AK5: variants seen among roughly 807,000 people sequenced by gnomAD.
AK5 encodes the protein adenylate kinase 5, also known as adenylate kinase isoenzyme 5.
AK5 carries 27 observed loss-of-function variants against 69.5 expected under a neutral mutation model. The ratio of observed to expected loss-of-function variants is 0.39; its 90% CI spans 0.29 to 0.54. AK5 has a LOEUF of 0.54. AK5 is among the 20% of genes least tolerant of loss of function. The pLI is 0.71. For synonymous variants in AK5, 260 were observed against 244.4 expected (o/e 1.06, Z -0.60); for missense variants, 531 against 700.4 (o/e 0.76, Z 2.73).
In AK5 at chr1:77,482,575, C is replaced by T. The variant is rs180922089; in HGVS notation, c.1060-742C>T. On this transcript the variant is annotated intron_variant, in intron 8 of 13. Coordinates refer to ENST00000354567, the MANE Select transcript of AK5 (RefSeq NM_174858.3). ...ATCACTTGAGGTCAGGAGTTTGAGA[C>T]CAGCCTGGCCAACATGGTGAAACTC... Among the ~76,000 whole-genome samples the T allele has an allele frequency of 9.3e-4, 141 of 152,084 alleles. 1 individual carries two copies. The highest frequency in any genetic ancestry group is 3.4e-3 in the Middle Eastern group (1 of 294).
chr1:77,306,264 AT>A (rs934483495), intron 5 of AK5, among the ~76,000 whole-genome samples: 1 of 151,852 alleles, frequency 6.6e-6, no homozygotes, highest in African/African-American at 2.4e-5. Flanking sequence ...TTCTGTCTCC[AT>A]TTTTTTGAGG....
At chr1:77,542,483 A>G (rs896237190) in intron 13 of AK5, among the ~76,000 whole-genome samples, 1 of 152,212 alleles carries the variant, frequency 6.6e-6, no homozygotes, top group African/African-American at 2.4e-5. Flanking sequence ...TGATATAAAC[A>G]TGGTTACCTG....
At chr1:77,419,670 T>C (rs1206185849) in intron 8 of AK5, among the ~76,000 whole-genome samples, 1 of 67,114 alleles carries the variant, frequency 1.5e-5, no homozygotes, top group Non-Finnish European at 3.7e-5. Flanking sequence ...AGCTAAATAG[T>C]TGTCAAATAT....
intron 6 of AK5, chr1:77,346,349 A>G (rs1368696493): frequency 6.6e-6 from 1 of 152,238 alleles, no homozygotes; most frequent in Non-Finnish European, 1.5e-5. Context: ...CTGACTTCAC[A>G]TTTCATAGGA....
At chr1:77,477,054 G>A (rs962910296) in intron 8 of AK5, among the ~76,000 whole-genome samples, 1 of 151,660 alleles carries the variant, frequency 6.6e-6, no homozygotes, top group South Asian at 2.1e-4. Flanking sequence ...CTGAGACAGG[G>A]TCTCACTCTG....
intron 13 of AK5, among the ~76,000 whole-genome samples, chr1:77,539,288 C>G (rs1448623689): frequency 6.6e-6 from 1 of 152,220 alleles, no homozygotes; most frequent in African/African-American, 2.4e-5. Flanking sequence ...GGTTTGCAGT[C>G]CCCTGGCTCA....
chr1:77,384,333 T>A (rs1647857253), intron 6 of AK5, among the ~76,000 whole-genome samples: 1 of 152,246 alleles, frequency 6.6e-6, no homozygotes, highest in Non-Finnish European at 1.5e-5. Flanking sequence ...AAATCCTTTT[T>A]AAGTGCAATA....
rs543214297 is a variant in AK5, at chr1:77,535,055, A to G, written c.1429-792A>G. Among the ~76,000 whole-genome samples, 49 of 152,254 alleles carry G rather than the reference A, an allele frequency of 3.2e-4. No individual in the cohort carries two copies. In the East Asian group the frequency reaches 8.1e-3, roughly 25 times the overall value. ...ATCTCCGTCCACATGGCCTCTCCAC[A>G]TGGCTAACTTGGGCTTCCTCTCAGC... On this transcript the variant is annotated intron_variant, in intron 12 of 13. Coordinates refer to ENST00000354567, the MANE Select transcript of AK5 (RefSeq NM_174858.3).
chr1:77,377,767 C>G (rs1029749234), intron 6 of AK5, among the ~76,000 whole-genome samples: 5 of 152,150 alleles, frequency 3.3e-5, no homozygotes. Flanking sequence ...TTCCATACTT[C>G]TGTGCTTTAA....
At chr1:77,447,602 C>T (rs369109204) in intron 8 of AK5, among the ~76,000 whole-genome samples, 51 of 152,276 alleles carry the variant, frequency 3.3e-4, no homozygotes, top group African/African-American at 1.1e-3. Context: ...TAATTAATTT[C>T]GTGGCTTCTC....
intron 6 of AK5, among the ~76,000 whole-genome samples, chr1:77,376,522 T>C (rs2602937): frequency 0.075 from 11,416 of 151,438 alleles, 510 homozygotes; most frequent in East Asian, 0.17. Flanking sequence ...ACTATTTCTA[T>C]GGGTCTTCTC....
At chr1:77,282,808 C>G (rs1033923355) in intron 1 of AK5, 14 of 992,484 alleles carry the variant, frequency 1.4e-5, no homozygotes, top group Non-Finnish European at 1.7e-5. Context: ...GGGTCGGAAC[C>G]CCTGGGGGAA....
At chr1:77,507,674 T>A (rs1299599377) in intron 10 of AK5, among the ~76,000 whole-genome samples, 1 of 152,224 alleles carries the variant, frequency 6.6e-6, no homozygotes, top group Non-Finnish European at 1.5e-5. Flanking sequence ...TTAACCATCA[T>A]AATAATTATT....
chr1:77,368,274 T>TATATAA (rs1557535738), intron 6 of AK5, among the ~76,000 whole-genome samples: 83 of 58,290 alleles, frequency 1.4e-3, no homozygotes, highest in African/African-American at 3.6e-3. Context: ...TATATATATG[T>TATATAA]TATATATGTT....
intron 8 of AK5, among the ~76,000 whole-genome samples, chr1:77,465,580 C>T (rs937269209): frequency 6.6e-6 from 1 of 152,106 alleles, no homozygotes; most frequent in African/African-American, 2.4e-5. Context: ...GTTGGGAACA[C>T]ACACACCTTA....
intron 11 of AK5, among the ~76,000 whole-genome samples, chr1:77,519,929 C>T (rs1216141284): frequency 4.6e-5 from 7 of 152,110 alleles, no homozygotes; most frequent in Non-Finnish European, 1.0e-4. Flanking sequence ...CCTGGCAGGG[C>T]GCAGTGGCTC....
chr1:77,462,442 A>G lies in AK5; in HGVS notation c.1060-20875A>G, dbSNP rs533100562. ...AGCAATACATATTCATTTTATAAAT[A>G]TTATAAAATATAGATACTTAAAAGG... On this transcript the variant is annotated intron_variant, in intron 8 of 13. Coordinates refer to ENST00000354567, the MANE Select transcript of AK5 (RefSeq NM_174858.3). 2.6e-5 allele frequency among the ~76,000 whole-genome samples: 4 copies of G among 152,208 alleles called. No homozygotes were observed. The South Asian group carries it at 8.3e-4, about 32-fold the overall frequency.
chr1:77,410,064 T>G (rs80171445), intron 6 of AK5, among the ~76,000 whole-genome samples: 4 of 152,258 alleles, frequency 2.6e-5, no homozygotes, highest in African/African-American at 9.6e-5. Flanking sequence ...GACAAAAATG[T>G]GTTAACAAAC....
Position 77,559,358 on chromosome 1 carries a change from T to C in AK5, c.*688T>C, listed in dbSNP as rs1361359903. On this transcript the variant is annotated 3_prime_UTR_variant, in exon 14 of 14. Transcript: ENST00000354567. The stretch of plus-strand genomic sequence containing the variant: ...ATTATTTTTTAGAAACTTGGAATAC[T>C]GTCGTCATGGCTAAGAGAACAAATC... 6.6e-6 allele frequency: 1 copy of C among 152,198 alleles called. No individual in the cohort carries two copies. The highest frequency in any genetic ancestry group is 1.5e-5 in the Non-Finnish European group (1 of 68,044). 9.4% of individuals were successfully genotyped at this position (152,198 alleles called of 1,614,324 possible). A position where few individuals can be genotyped will look rare whatever the true frequency, so the allele number is the denominator to read the frequency against.
Sources: gnomAD v4.1 joint callset for allele counts (sites outside exome capture counted in the v4.1 genomes callset) on GRCh38, gnomAD v4.1.1 for gene constraint, MANE v1.5 for transcripts, NCBI Gene and HGNC (gene_info 2026-07-23, HGNC 2026-07-21) for gene names.